The following TTC34 variants were observed in gnomAD, a reference collection of about 807,000 sequenced individuals.
TTC34 encodes tetratricopeptide repeat domain 34, also known as tetratricopeptide repeat protein 34.
Under a neutral mutation model 40.7 loss-of-function variants are expected in TTC34, and 44 were observed. That is an observed-to-expected ratio of 1.08 (90% CI 0.85 to 1.39). The LOEUF (loss-of-function observed/expected upper bound fraction) is 1.39, where lower values mean the gene tolerates loss of function less well. TTC34 is among the 40% of genes most tolerant of loss of function. The pLI is 0.00. For missense variants in TTC34, 884 were observed against 838.0 expected (o/e 1.05, Z -0.68); for synonymous variants, 422 against 398.6 (o/e 1.06, Z -0.70).
chr1:2,749,647 G>C (rs1235337671), intron 6 of TTC34, among the ~76,000 whole-genome samples: 1,300 of 27,916 alleles, frequency 0.047, 40 homozygotes, highest in Middle Eastern at 0.12. Flanking sequence ...CCCACACCCA[G>C]AGGTGAGCAT....
chr1:2,689,958 G>T (rs1366807516), intron 6 of TTC34, among the ~76,000 whole-genome samples: 1 of 125,184 alleles, frequency 8.0e-6, no homozygotes. Flanking sequence ...GCATCTGACA[G>T]CATGTAACAG....
rs1489240573 is a variant in TTC34, at chr1:2,693,327, C to G, written c.2227-47764G>C. On this transcript the variant is annotated intron_variant, in intron 6 of 8. Coordinates refer to ENST00000401095, the Ensembl canonical transcript of TTC34. Reference sequence around the variant, plus strand: ...CCATGCCCAGGTGAGCCTCTGACAGCCTGGAACAGCACGCACACCCCCAGG... The same window carrying G: ...CCATGCCCAGGTGAGCCTCTGACAGGCTGGAACAGCACGCACACCCCCAGG... Among the ~76,000 whole-genome samples the G allele has an allele frequency of 5.4e-5, 6 of 110,650 alleles. 1 individual carries two copies. Among genetic ancestry groups the G allele is most frequent in the South Asian group, 2.8e-4 (1 of 3,604 alleles). 72.6% of individuals were successfully genotyped at this position (110,650 alleles called of 152,430 possible). A position where few individuals can be genotyped will look rare whatever the true frequency, so the allele number is the denominator to read the frequency against.
chr1:2,794,169 T>C (rs1031004121), intron 2 of TTC34, among the ~76,000 whole-genome samples: 6 of 152,116 alleles, frequency 3.9e-5, no homozygotes, highest in Non-Finnish European at 8.8e-5. Flanking sequence ...TAAGTTTTTT[T>C]GTATTTTAAA....
intron 6 of TTC34, among the ~76,000 whole-genome samples, chr1:2,691,241 A>T (rs1477240775): frequency 1.2e-5 from 1 of 80,932 alleles, no homozygotes; most frequent in Non-Finnish European, 3.0e-5. Context: ...AGCATCTGAC[A>T]GCCTGCAACA....
At chr1:2,778,158 C>T (rs1178654200) in intron 6 of TTC34, among the ~76,000 whole-genome samples, 4 of 152,240 alleles carry the variant, frequency 2.6e-5, no homozygotes, top group African/African-American at 7.2e-5. Flanking sequence ...AGCATGGCCT[C>T]TGGAGGCTGT....
chr1:2,656,153 C>G (rs1442143705), intron 6 of TTC34, among the ~76,000 whole-genome samples: 3,171 of 142,120 alleles, frequency 0.022, 9 homozygotes, highest in African/African-American at 0.06. Context: ...GAGCATCTGA[C>G]AGACTGGAAC....
At chr1:2,641,839 C>T in exon 9 of TTC34, 1 of 1,524,900 alleles carries the variant, frequency 6.6e-7, no homozygotes. Context: ...AACAGTAGCC[C>T]AGCGCCTGCC....
intron 6 of TTC34, among the ~76,000 whole-genome samples, chr1:2,683,561 G>T (rs1409484851): frequency 6.9e-6 from 1 of 144,778 alleles, no homozygotes; most frequent in Non-Finnish European, 1.5e-5. Flanking sequence ...AACCACAGGT[G>T]AGCATCCGAC....
At chr1:2,758,450 C>A (rs1351234382) in intron 6 of TTC34, among the ~76,000 whole-genome samples, 1 of 77,100 alleles carries the variant, frequency 1.3e-5, no homozygotes, top group East Asian at 4.0e-4. Context: ...CAGGTGCGCA[C>A]ATGACAGCCT....
intron 6 of TTC34, among the ~76,000 whole-genome samples, chr1:2,688,335 G>A: frequency 6.6e-6 from 1 of 151,366 alleles, no homozygotes; most frequent in Admixed American, 6.6e-5. Context: ...CACACCCCCA[G>A]GTGAGCATCG....
chr1:2,761,086 C>T (rs1641671488), intron 6 of TTC34, among the ~76,000 whole-genome samples: 1 of 67,410 alleles, frequency 1.5e-5, no homozygotes, highest in South Asian at 8.1e-4. Flanking sequence ...ATCCTCACCC[C>T]AGGTGAGCAT....
At chr1:2,657,360 A>G (rs867143138) in intron 6 of TTC34, among the ~76,000 whole-genome samples, 1 of 96,524 alleles carries the variant, frequency 1.0e-5, no homozygotes, top group Non-Finnish European at 2.7e-5. Context: ...AGCATCTGAC[A>G]ACTTGGAGCA....
chr1:2,750,992 G>C (rs1160035564), intron 6 of TTC34, among the ~76,000 whole-genome samples: 3 of 114,896 alleles, frequency 2.6e-5, no homozygotes, highest in Non-Finnish European at 5.2e-5. Flanking sequence ...TGATGGTCTG[G>C]AGCAGCACCC....
rs865941584 is a variant in TTC34 at position 2,691,263 on chromosome 1, C to A, written c.2227-45700G>T. 1.1e-4 allele frequency among the ~76,000 whole-genome samples: 10 copies of A among 91,878 alleles called. 3 individuals are homozygous for A. Among genetic ancestry groups the A allele is most frequent in the Admixed American group, 5.2e-4 (5 of 9,552 alleles). The allele number at this position is 91,878 out of a possible 152,430, so 60.3% of individuals were successfully genotyped here. On this transcript the variant is annotated intron_variant, in intron 6 of 8. Transcript: ENST00000401095. The stretch of plus-strand genomic sequence containing the variant: ...GACAGCCTGCAACAGCACCCACACC[C>A]CCAGGTGAGAATCCGACAGCCTGGA...
chr1:2,638,033 T>A (rs1638825367), exon 9 of TTC34: 2 of 152,174 alleles, frequency 1.3e-5, no homozygotes, highest in African/African-American at 4.8e-5. Context: ...TCCTCCAAGA[T>A]CTGAGAGTAG....
intron 6 of TTC34, among the ~76,000 whole-genome samples, chr1:2,777,334 C>A (rs1184916506): frequency 1.3e-5 from 2 of 149,470 alleles, no homozygotes; most frequent in Non-Finnish European, 3.0e-5. Flanking sequence ...CACCCCACAC[C>A]TCCAGGGGGA....
At chr1:2,779,232 A>G (rs1443195113) in intron 6 of TTC34, among the ~76,000 whole-genome samples, 1 of 152,182 alleles carries the variant, frequency 6.6e-6, no homozygotes, top group Admixed American at 6.5e-5. Flanking sequence ...ATCTATGAAT[A>G]TGGTGTACAA....
At chr1:2,795,339 A>AG (rs1216313709) in intron 2 of TTC34, among the ~76,000 whole-genome samples, 1 of 152,208 alleles carries the variant, frequency 6.6e-6, no homozygotes, top group Non-Finnish European at 1.5e-5. Flanking sequence ...TGGTCTTACC[A>AG]GGGGTCACTC....
intron 6 of TTC34, among the ~76,000 whole-genome samples, chr1:2,771,814 GC>G (rs1642228007): frequency 1.1e-4 from 11 of 103,742 alleles, no homozygotes; most frequent in South Asian, 4.0e-4. Context: ...CCCCAGGTGA[GC>G]ATCTGACAGC....
Sources: allele counts gnomAD v4.1 joint callset (sites outside exome capture counted in the v4.1 genomes callset), GRCh38; gene constraint gnomAD v4.1.1; transcripts MANE v1.5; gene names NCBI Gene and HGNC (gene_info 2026-07-23, HGNC 2026-07-21).